Variants in MAU2 observed in about 807,000 individuals in gnomAD.
The protein encoded by MAU2 is MAU2 chromatid cohesion factor homolog.
In MAU2, 9 loss-of-function variants were observed where a neutral mutation model predicts 89.1. The observed-to-expected ratio is 0.10, with a 90% CI of 0.06 to 0.18. MAU2 has a LOEUF of 0.18. MAU2 is among the 10% of genes least tolerant of loss of function. The pLI is 1.00. For synonymous variants in MAU2, 357 were observed against 343.4 expected, an observed-to-expected ratio of 1.04 and a Z score of -0.44; for missense variants, 425 against 803.5, an observed-to-expected ratio of 0.53 and a Z score of 5.69.
intron 4 of MAU2, 104 bp downstream of exon 4, chr19:19,337,369 C>A: frequency 1.1e-6 from 1 of 883,576 alleles, no homozygotes; most frequent in Non-Finnish European, 1.8e-6. Context: ...TGCGCAGACC[C>A]CCTCGGGCTG....
rs564360622 is a variant in MAU2 at position 19,344,587 on chromosome 19, C to T, written c.1078-262C>T. ...CACCCTCCTGAGAGGGCATGGGGGCCCTCAGTAGGCTGGAGGTCCTTTACA... is the reference window on the plus strand; with the variant it reads ...CACCCTCCTGAGAGGGCATGGGGGCTCTCAGTAGGCTGGAGGTCCTTTACA... On this transcript the variant is annotated intron_variant, in intron 10 of 18. Coordinates refer to ENST00000262815, the MANE Select transcript of MAU2 (RefSeq NM_015329.4). The T allele has an allele frequency of 2.2e-5, 12 of 554,572 alleles. No individual in the cohort carries two copies. In the East Asian group the frequency reaches 3.2e-4, roughly 15 times the overall value. The allele number at this position is 554,572 out of a possible 1,614,324, so 34.4% of individuals were successfully genotyped here.
intron 18 of MAU2, 108 bp downstream of exon 18, chr19:19,355,499 C>T: frequency 6.7e-7 from 1 of 1,494,482 alleles, no homozygotes. Flanking sequence ...AACCCTAACT[C>T]AGCCTCAGGT....
At chr19:19,327,471 G>T (rs368296491) in intron 1 of MAU2, among the ~76,000 whole-genome samples, 6 of 151,944 alleles carry the variant, frequency 3.9e-5, no homozygotes, top group African/African-American at 1.5e-4. Context: ...AACTACAGGC[G>T]CCTGCCACCA....
At chr19:19,351,649 C>T (rs1419674622) in intron 16 of MAU2, among the ~76,000 whole-genome samples, 1 of 151,492 alleles carries the variant, frequency 6.6e-6, no homozygotes, top group East Asian at 1.9e-4. Context: ...TACTGCACTC[C>T]AGCCTGGACA....
intron 9 of MAU2, 133 bp downstream of exon 9, chr19:19,342,999 T>C (rs2061664680): frequency 1.2e-6 from 1 of 863,822 alleles, no homozygotes; most frequent in Non-Finnish European, 1.9e-6. Context: ...GTGGGTCTCG[T>C]CACCCCTAGT....
chr19:19,349,914 G>A (rs1231011487), intron 16 of MAU2, among the ~76,000 whole-genome samples: 1 of 151,100 alleles, frequency 6.6e-6, no homozygotes, highest in Admixed American at 6.6e-5. Context: ...GGGACTGGCC[G>A]CCTCAGTCCT....
chr19:19,334,784 C>T (rs1351567379), intron 1 of MAU2, among the ~76,000 whole-genome samples: 1 of 152,166 alleles, frequency 6.6e-6, no homozygotes, highest in Non-Finnish European at 1.5e-5. Flanking sequence ...ACCTCCTGCT[C>T]CCCCTTTTCC....
chr19:19,334,105 C>A (rs1294788250), intron 1 of MAU2: 2 of 937,092 alleles, frequency 2.1e-6, no homozygotes, highest in Non-Finnish European at 2.5e-6. Context: ...GCAGCAGCTT[C>A]TGTGGAAAAA....
intron 4 of MAU2, 121 bp downstream of exon 4, chr19:19,337,386 G>A: frequency 2.7e-6 from 2 of 733,892 alleles, no homozygotes; most frequent in South Asian, 1.5e-5. Flanking sequence ...GCTGGCACAT[G>A]GAGTAGGTGG....
intron 16 of MAU2, chr19:19,354,094 G>A (rs955250497): frequency 1.9e-6 from 1 of 526,886 alleles, no homozygotes; most frequent in Non-Finnish European, 3.4e-6. Context: ...ACAGGTAGAA[G>A]CCCCCAAAGT....
Position 19,357,198 on chromosome 19 carries a change from C to CT in MAU2, c.*1416_*1417insT, listed in dbSNP as rs1331769020. On this transcript the variant is annotated 3_prime_UTR_variant, in exon 19 of 19. Transcript: ENST00000262815. ...AATAACCCCCTTCCTCACTGGCCAC[C>CT]ACCTGACATCAGCACCAGTGACAGG... is the stretch of plus-strand genomic sequence containing the variant. 1.3e-5 allele frequency: 2 copies of CT among 152,362 alleles called. No individual in the cohort carries two copies. Among genetic ancestry groups the CT allele is most frequent in the African/African-American group, 4.8e-5 (2 of 41,444 alleles). The allele number at this position is 152,362 out of a possible 1,614,324, so 9.4% of individuals were successfully genotyped here. A position where few individuals can be genotyped will look rare whatever the true frequency, so the allele number is the denominator to read the frequency against.
chr19:19,354,473 C>G (rs771992373), intron 17 of MAU2, 28 bp downstream of exon 17: 2 of 1,591,202 alleles, frequency 1.3e-6, no homozygotes, highest in Non-Finnish European at 1.7e-6. Flanking sequence ...CCCTCTTCCC[C>G]AGCCCCAGCC....
At chr19:19,322,297 C>A (rs1398763448) in intron 1 of MAU2, among the ~76,000 whole-genome samples, 1 of 152,162 alleles carries the variant, frequency 6.6e-6, no homozygotes, top group East Asian at 1.9e-4. Context: ...CGCGCCCGGC[C>A]CCTTTAATAA....
chr19:19,358,729 C>G lies in MAU2; in HGVS notation c.*2947C>G, dbSNP rs924556132. On this transcript the variant is annotated 3_prime_UTR_variant, in exon 19 of 19. Transcript: ENST00000262815. ...TTGTGGATTTTGTTTCCTATATATT[C>G]AAAGTAAAATGACTTACAGGAGCCA... 9.2e-5 allele frequency: 14 copies of G among 152,208 alleles called. No homozygotes were observed. Among genetic ancestry groups the G allele is most frequent in the African/African-American group, 3.4e-4 (14 of 41,452 alleles). The allele number at this position is 152,208 out of a possible 1,614,324, so 9.4% of individuals were successfully genotyped here. A position where few individuals can be genotyped will look rare whatever the true frequency, so the allele number is the denominator to read the frequency against.
chr19:19,327,987 T>C (rs1472055907), intron 1 of MAU2, among the ~76,000 whole-genome samples: 1 of 151,950 alleles, frequency 6.6e-6, no homozygotes, highest in East Asian at 1.9e-4. Context: ...GGCACTACCC[T>C]GTCTCTACAA....
Position 19,343,865 on chromosome 19 carries a change from C to T in MAU2, c.1002C>T (p.Ser334=), listed in dbSNP as rs777513238. The T allele has an allele frequency of 9.9e-6, 16 of 1,613,764 alleles. No individual in the cohort carries two copies. The South Asian group carries it at 1.5e-4, about 16-fold the overall frequency. ...TGGACTGCAGCCCCATCCTGTCATC[C>T]TTCCAAGTGATCCTGCTGGAGCACA... ...KMLDCSPILS[S]FQVILLEHII... Residue 334 remains serine (S), a synonymous_variant, in exon 10 of 19, where the codon TCC becomes TCT. Coordinates refer to ENST00000262815, the MANE Select transcript of MAU2 (RefSeq NM_015329.4).
intron 9 of MAU2, 73 bp from the exon 10 acceptor site, chr19:19,343,764 G>A: frequency 1.8e-6 from 2 of 1,123,648 alleles, no homozygotes; most frequent in Non-Finnish European, 2.7e-6. Flanking sequence ...GGAACGAGGT[G>A]GGGGCACGGT....
intron 1 of MAU2, among the ~76,000 whole-genome samples, chr19:19,327,314 T>TATTG (rs2061518728): frequency 3.5e-5 from 1 of 28,394 alleles, no homozygotes; most frequent in African/African-American, 6.7e-5. Context: ...TTTATTTATT[T>TATTG]ATTTATTTAT....
At chr19:19,342,908 C>T (rs1295700762) in intron 9 of MAU2, 42 bp downstream of exon 9, 2 of 1,605,134 alleles carry the variant, frequency 1.2e-6, no homozygotes, top group Non-Finnish European at 1.7e-6. Context: ...ACAGCGACCC[C>T]TGGCGGACGG....
Sources: gnomAD v4.1 joint callset for allele counts (sites outside exome capture counted in the v4.1 genomes callset) on GRCh38, gnomAD v4.1.1 for gene constraint, MANE v1.5 for transcripts, NCBI Gene and HGNC (gene_info 2026-07-23, HGNC 2026-07-21) for gene names.